The following WSCD2 variants were observed in gnomAD, a reference collection of about 807,000 sequenced individuals.
WSCD2 encodes WSC domain sialate O sulfotransferase 2.
WSCD2 carries 28 observed loss-of-function variants against 55.7 expected under a neutral mutation model. That is an observed-to-expected ratio of 0.50 (90% CI 0.37 to 0.69). The LOEUF is 0.69. Among genes scored for constraint, WSCD2 ranks in the 30% least tolerant of loss-of-function variants. WSCD2 has a pLI of 0.00. For synonymous variants in WSCD2, 301 were observed against 301.9 expected (o/e 1.00, Z 0.03); for missense variants, 616 against 762.1 (o/e 0.81, Z 2.26).
intron 1 of WSCD2, among the ~76,000 whole-genome samples, chr12:108,185,168 C>A (rs1452574091): frequency 1.3e-5 from 2 of 152,236 alleles, no homozygotes; most frequent in African/African-American, 4.8e-5. Context: ...TGCCAAGCAC[C>A]TGGACCTTGG....
At chr12:108,237,523 T>C (rs1889365817) in intron 7 of WSCD2, among the ~76,000 whole-genome samples, 2 of 152,230 alleles carry the variant, frequency 1.3e-5, no homozygotes, top group African/African-American at 4.8e-5. Flanking sequence ...CCGCTCTGGC[T>C]CAAAGCTTGC....
At chr12:108,193,477 C>T (rs1237535162) in intron 1 of WSCD2, among the ~76,000 whole-genome samples, 1 of 151,274 alleles carries the variant, frequency 6.6e-6, no homozygotes, top group Non-Finnish European at 1.5e-5. Context: ...GATGGATGGG[C>T]TGCTATAGTT....
intron 7 of WSCD2, among the ~76,000 whole-genome samples, chr12:108,236,566 T>C (rs1444662765): frequency 6.8e-6 from 1 of 147,874 alleles, no homozygotes; most frequent in East Asian, 2.0e-4. Flanking sequence ...CTGGCGCTCT[T>C]TCTCTCTCTC....
chr12:108,214,709 C>A (rs893478013), intron 4 of WSCD2, among the ~76,000 whole-genome samples: 2 of 152,176 alleles, frequency 1.3e-5, no homozygotes, highest in Admixed American at 6.5e-5. Flanking sequence ...ACTGCACTGC[C>A]TAAAACCCCA....
At position 108,249,043 on chromosome 12, in the gene WSCD2, A is replaced by G. The variant is rs555048894; in HGVS notation, c.*700A>G. 4.4e-6 allele frequency: 2 copies of G among 452,308 alleles called. No homozygotes were observed. Among genetic ancestry groups the G allele is most frequent in the African/African-American group, 2.1e-5 (1 of 46,794 alleles). 28.0% of individuals were successfully genotyped at this position (452,308 alleles called of 1,614,324 possible). ...CTTGCCTTTCCACCTCCAGGGCATG[A>G]ACCCTGCCCCTTTCTATCCATGCTG... On this transcript the variant is annotated 3_prime_UTR_variant, in exon 9 of 9. Coordinates refer to ENST00000547525, the MANE Select transcript of WSCD2 (RefSeq NM_014653.4).
intron 1 of WSCD2, among the ~76,000 whole-genome samples, chr12:108,165,736 G>A (rs1879538498): frequency 6.6e-6 from 1 of 152,118 alleles, no homozygotes; most frequent in African/African-American, 2.4e-5. Context: ...GTTTTTCTTG[G>A]AATTGATTTA....
At chr12:108,132,910 G>T (rs1406497799) in intron 1 of WSCD2, among the ~76,000 whole-genome samples, 1 of 152,216 alleles carries the variant, frequency 6.6e-6, no homozygotes, top group African/African-American at 2.4e-5. Flanking sequence ...GCATATGTGT[G>T]TGTAGCATTG....
intron 1 of WSCD2, among the ~76,000 whole-genome samples, chr12:108,181,047 T>C (rs939202980): frequency 5.9e-5 from 9 of 152,352 alleles, no homozygotes; most frequent in Non-Finnish European, 1.0e-4. Flanking sequence ...AGTGGTCATC[T>C]GATTGACCTC....
intron 1 of WSCD2, among the ~76,000 whole-genome samples, chr12:108,132,402 G>A (rs1297310697): frequency 6.6e-6 from 1 of 152,210 alleles, no homozygotes; most frequent in Non-Finnish European, 1.5e-5. Flanking sequence ...TCATGTGCTT[G>A]TGTGAGCATA....
At position 108,196,016 on chromosome 12, in the gene WSCD2, G is replaced by A. The variant is rs1243516466; in HGVS notation, c.184G>A (p.Ala62Thr). The A allele has an allele frequency of 1.2e-6, 2 of 1,614,118 alleles. No homozygotes were observed. Among genetic ancestry groups the A allele is most frequent in the African/African-American group, 1.3e-5 (1 of 74,940 alleles). The change falls in exon 2 of 9, where the codon GCT becomes ACT. Residue 62 changes from alanine to threonine, a missense_variant. By Grantham distance (58) the Ala-to-Thr change is moderately conservative. This residue lies in a region of WSCD2 where 374 missense variants were observed against 467.4 expected (regional missense o/e 0.80). Transcript: ENST00000547525. Reference sequence around the variant, plus strand: ...TGCTGCAGGAGGCCCAGCTGAGGGTGCTGAGCTGTCCTTCTTGGGTGACAT... The same window carrying A: ...TGCTGCAGGAGGCCCAGCTGAGGGTACTGAGCTGTCCTTCTTGGGTGACAT... ...PAAAGGPAEG[A>T]ELSFLGDMHL...
chr12:108,170,012 T>C (rs931272784), intron 1 of WSCD2, among the ~76,000 whole-genome samples: 2 of 152,144 alleles, frequency 1.3e-5, no homozygotes, highest in African/African-American at 4.8e-5. Flanking sequence ...AGCCTTCTTG[T>C]ACTGGGAAGG....
chr12:108,224,655 C>A, intron 4 of WSCD2, 84 bp from the exon 5 acceptor site: 1 of 1,533,972 alleles, frequency 6.5e-7, no homozygotes, highest in South Asian at 1.3e-5. Context: ...CTTGCCTTCT[C>A]TGAGCTTTCT....
At position 108,204,174 on chromosome 12, in the gene WSCD2, G is replaced by A. The variant is rs193070039; in HGVS notation, c.383-2115G>A. On this transcript the variant is annotated intron_variant, in intron 2 of 8. Transcript: ENST00000547525. ...TGGCCCACAGTAAAGTAGATAGCAC[G>A]TAGTAGGTGTTCAATACATGATAGT... Among the ~76,000 whole-genome samples, 47 of 152,228 alleles carry A rather than the reference G, an allele frequency of 3.1e-4. 1 individual carries two copies. The highest frequency in any genetic ancestry group is 2.5e-3 in the Admixed American group (38 of 15,286).
At chr12:108,192,513 C>T (rs57079232) in intron 1 of WSCD2, among the ~76,000 whole-genome samples, 1,604 of 152,278 alleles carry the variant, frequency 0.011, 24 homozygotes, top group African/African-American at 0.036. Context: ...ACATCTGGCA[C>T]GTGTTGGCAC....
chr12:108,235,345 T>C (rs1359113395), intron 7 of WSCD2, among the ~76,000 whole-genome samples: 2 of 152,194 alleles, frequency 1.3e-5, no homozygotes, highest in Non-Finnish European at 2.9e-5. Context: ...TGACTACACA[T>C]TAGCATTGCC....
At chr12:108,196,424 G>A in intron 2 of WSCD2, 1 of 746,896 alleles carries the variant, frequency 1.3e-6, no homozygotes, top group East Asian at 3.0e-5. Flanking sequence ...AGGTCACACA[G>A]CTTGTCAAGA....
intron 5 of WSCD2, among the ~76,000 whole-genome samples, chr12:108,225,888 A>G (rs1015375373): frequency 1.8e-4 from 28 of 152,136 alleles, no homozygotes; most frequent in African/African-American, 6.8e-4. Context: ...CCACAAAAAG[A>G]TGGTTGGGCA....
intron 1 of WSCD2, among the ~76,000 whole-genome samples, chr12:108,163,525 G>A (rs570330476): frequency 6.6e-6 from 1 of 152,320 alleles, no homozygotes; most frequent in East Asian, 1.9e-4. Context: ...CATGGTAAGA[G>A]GTACTTGGCA....
At chr12:108,164,036 G>A (rs1350081418) in intron 1 of WSCD2, among the ~76,000 whole-genome samples, 1 of 151,322 alleles carries the variant, frequency 6.6e-6, no homozygotes, top group African/African-American at 2.4e-5. Flanking sequence ...CATCCCAGTG[G>A]GTCACTGTCT....
Sources: gnomAD v4.1 joint callset for allele counts (sites outside exome capture counted in the v4.1 genomes callset) on GRCh38, gnomAD v4.1.1 for gene constraint, gnomAD v4.1.1 regional missense constraint, MANE v1.5 for transcripts, NCBI Gene and HGNC (gene_info 2026-07-23, HGNC 2026-07-21) for gene names.